Variants in MIDEAS observed in about 807,000 individuals in gnomAD.
MIDEAS encodes mitotic deacetylase associated SANT domain protein.
In MIDEAS, 26 loss-of-function variants were observed where a neutral mutation model predicts 102.7. That is an observed-to-expected ratio of 0.25 (90% CI 0.19 to 0.35). The LOEUF (loss-of-function observed/expected upper bound fraction) is 0.35, where lower values mean the gene tolerates loss of function less well. Ranked by LOEUF, MIDEAS falls within the 10% of genes least tolerant of loss-of-function variation. The pLI, the probability that MIDEAS is intolerant of heterozygous loss-of-function variation, is 1.00. For synonymous variants in MIDEAS, 585 were observed against 591.0 expected, an observed-to-expected ratio of 0.99 and a Z score of 0.15; for missense variants, 1,231 against 1,435.6, an observed-to-expected ratio of 0.86 and a Z score of 2.30.
rs2052920694 is a variant in MIDEAS at position 73,718,104 on chromosome 14, C to T, written c.*739G>A. On this transcript the variant is annotated 3_prime_UTR_variant, in exon 13 of 13. Coordinates refer to ENST00000423556, the MANE Select transcript of MIDEAS (RefSeq NM_001367710.1). ...GCAGCTTCCAGCCTCCGTACAGCTC[C>T]CTTCCCTGCAGCAGGATGAGTGCTT... 4 of 152,506 alleles carry T rather than the reference C, an allele frequency of 2.6e-5. No homozygotes were observed. Among genetic ancestry groups the T allele is most frequent in the Non-Finnish European group, 5.9e-5 (4 of 68,196 alleles). The allele number at this position is 152,506 out of a possible 1,614,324, so 9.4% of individuals were successfully genotyped here. A position where few individuals can be genotyped will look rare whatever the true frequency, so the allele number is the denominator to read the frequency against.
At chr14:73,769,695 G>C (rs1170044080) in intron 1 of MIDEAS, among the ~76,000 whole-genome samples, 3 of 151,966 alleles carry the variant, frequency 2.0e-5, no homozygotes, top group Non-Finnish European at 4.4e-5. Context: ...TCTGCCTCCC[G>C]GGTTCAAGCA....
chr14:73,778,102 C>A (rs990807144), intron 1 of MIDEAS, among the ~76,000 whole-genome samples: 3 of 151,956 alleles, frequency 2.0e-5, no homozygotes, highest in Admixed American at 1.3e-4. Context: ...CACCTGTAAT[C>A]CCAGCACTTT....
chr14:73,723,237 C>G (rs1239855678), intron 9 of MIDEAS: 1 of 157,774 alleles, frequency 6.3e-6, no homozygotes, highest in Admixed American at 6.2e-5. Flanking sequence ...CTCCGCCTCC[C>G]AGGTTCAAAT....
upstream of MIDEAS, among the ~76,000 whole-genome samples, chr14:73,760,890 C>T (rs1390672442): frequency 6.6e-6 from 1 of 152,222 alleles, no homozygotes; most frequent in Admixed American, 6.5e-5. The surrounding 1 kb of genome is among the most constrained non-coding windows in gnomAD (Gnocchi z 4.8). Flanking sequence ...CCCCTGTCTT[C>T]CCTAAATATC....
chr14:73,755,596 G>A (rs909683915), intron 1 of MIDEAS, among the ~76,000 whole-genome samples: 4 of 152,132 alleles, frequency 2.6e-5, no homozygotes, highest in Admixed American at 6.5e-5. Flanking sequence ...GGGCCTGGGC[G>A]GGTAGGTTCC....
chr14:73,728,980 T>A (rs1248724995), intron 4 of MIDEAS: 1 of 152,324 alleles, frequency 6.6e-6, no homozygotes, highest in Admixed American at 6.5e-5. Context: ...CAAAGGCATC[T>A]ATAAGCTAGC....
At chr14:73,771,963 G>A (rs543310290) in intron 1 of MIDEAS, among the ~76,000 whole-genome samples, 2 of 152,360 alleles carry the variant, frequency 1.3e-5, no homozygotes, top group South Asian at 4.1e-4. Context: ...GAAGTAAGAG[G>A]CAGCCCAGAG....
chr14:73,735,136 G>A lies in MIDEAS; in HGVS notation c.1749+1862C>T, dbSNP rs147511922. On this transcript the variant is annotated intron_variant, in intron 3 of 12. Coordinates refer to ENST00000423556, the MANE Select transcript of MIDEAS (RefSeq NM_001367710.1). ...GGGACTGGGGAGATGCTGGTCAAACGAAATATAATTTCAGTTAGGAAAAAA... is the reference window on the plus strand; with the variant it reads ...GGGACTGGGGAGATGCTGGTCAAACAAAATATAATTTCAGTTAGGAAAAAA... 7.6e-3 allele frequency among the ~76,000 whole-genome samples: 1,159 copies of A among 152,218 alleles called. 16 individuals are homozygous for A. The highest frequency in any genetic ancestry group is 0.026 in the African/African-American group (1,076 of 41,524).
rs755291393 is a variant in MIDEAS, at chr14:73,727,467, C to A, written c.2153G>T (p.Ser718Ile). The change falls in exon 5 of 13, where the codon AGC (serine) becomes ATC (isoleucine). Residue 718 changes from serine to isoleucine, a missense_variant. This residue lies in a region of MIDEAS where 391 missense variants were observed against 483.0 expected (regional missense o/e 0.81). Coordinates refer to ENST00000423556, the MANE Select transcript of MIDEAS (RefSeq NM_001367710.1). The stretch of plus-strand genomic sequence containing the variant: ...GCAGGGCTGCACTTACGGCTCGATG[C>A]TCACTGGGGTGGCCTCCCCCATCAC... ...LSVMGEATPV[S>I]IEPRINVGSR... The A allele has an allele frequency of 6.2e-7, 1 of 1,613,934 alleles. No homozygotes were observed. Among genetic ancestry groups the A allele is most frequent in the African/African-American group, 1.3e-5 (1 of 75,050 alleles).
chr14:73,717,398 A>C lies in MIDEAS; in HGVS notation c.*1445T>G, dbSNP rs1277259313. On this transcript the variant is annotated 3_prime_UTR_variant, in exon 13 of 13. Coordinates refer to ENST00000423556, the MANE Select transcript of MIDEAS (RefSeq NM_001367710.1). The stretch of plus-strand genomic sequence containing the variant: ...ATATGGCTTCTTCAAGCCAGAATCC[A>C]GGCCCCATAAACCAAACTAGAATTC... The C allele has an allele frequency of 6.6e-6, 1 of 152,200 alleles. No individual in the cohort carries two copies. Among genetic ancestry groups the C allele is most frequent in the African/African-American group, 2.4e-5 (1 of 41,448 alleles). The allele number at this position is 152,200 out of a possible 1,614,324, so 9.4% of individuals were successfully genotyped here.
chr14:73,722,832 C>T lies in MIDEAS; in HGVS notation c.2590G>A (p.Val864Met), dbSNP rs781204757. The change falls in exon 10 of 13, where the codon GTG (valine) becomes ATG (methionine). Residue 864 changes from valine (V) to methionine (M), a missense_variant. By Grantham distance (21) the Val-to-Met change is conservative. Transcript: ENST00000423556. ...LVQKLIQTKT[V>M]AQCVEFYYTY... ...TAGTAGAACTCCACGCACTGGGCCA[C>T]GGTCTTGGTCTGGATCTGGTTTGAA... 8 of 1,614,098 alleles carry T rather than the reference C, an allele frequency of 5.0e-6. No individual in the cohort carries two copies. The highest frequency in any genetic ancestry group is 1.7e-5 in the Admixed American group (1 of 60,014).
intron 1 of MIDEAS, among the ~76,000 whole-genome samples, chr14:73,747,615 T>C (rs2053368913): frequency 6.6e-6 from 1 of 151,098 alleles, no homozygotes; most frequent in Non-Finnish European, 1.5e-5. Context: ...TCTGTGTGGA[T>C]GTCAAGCAGT....
intron 1 of MIDEAS, among the ~76,000 whole-genome samples, chr14:73,780,354 A>G (rs1047983397): frequency 6.6e-6 from 1 of 152,164 alleles, no homozygotes; most frequent in African/African-American, 2.4e-5. Context: ...CCATCTCTCC[A>G]TGGAAGCTGT....
chr14:73,729,394 T>C (rs574144783), intron 4 of MIDEAS, among the ~76,000 whole-genome samples: 1 of 152,320 alleles, frequency 6.6e-6, no homozygotes, highest in African/African-American at 2.4e-5. Flanking sequence ...GGAGTTGAAG[T>C]GACTTGCAAA....
chr14:73,754,164 C>G (rs2053454197), intron 1 of MIDEAS, among the ~76,000 whole-genome samples: 1 of 152,218 alleles, frequency 6.6e-6, no homozygotes, highest in Non-Finnish European at 1.5e-5. Context: ...GGAAAGGCAG[C>G]TGCTAGCAAC....
At chr14:73,743,475 C>A (rs1226034380) in intron 1 of MIDEAS, among the ~76,000 whole-genome samples, 1 of 152,168 alleles carries the variant, frequency 6.6e-6, no homozygotes, top group Non-Finnish European at 1.5e-5. Context: ...GCTCCTGCAA[C>A]CCCACCCCGG....
At chr14:73,748,191 C>T (rs898362628) in intron 1 of MIDEAS, among the ~76,000 whole-genome samples, 3 of 152,068 alleles carry the variant, frequency 2.0e-5, no homozygotes, top group African/African-American at 7.2e-5. Context: ...AAAATGGCAG[C>T]ATAAATCCTA....
chr14:73,741,784 T>C (rs2053284265), intron 1 of MIDEAS, among the ~76,000 whole-genome samples: 1 of 152,126 alleles, frequency 6.6e-6, no homozygotes, highest in Non-Finnish European at 1.5e-5. Flanking sequence ...AATTTCCTCC[T>C]CCATTTCCTT....
intron 1 of MIDEAS, among the ~76,000 whole-genome samples, chr14:73,758,271 A>G (rs1480567350): frequency 6.6e-6 from 1 of 152,242 alleles, no homozygotes; most frequent in Non-Finnish European, 1.5e-5. Flanking sequence ...TGGGTTCTGA[A>G]GCCACTTAAC....
Sources: allele counts gnomAD v4.1 joint callset (sites outside exome capture counted in the v4.1 genomes callset), GRCh38; gene constraint gnomAD v4.1.1; regional missense constraint gnomAD v4.1.1; non-coding constraint Gnocchi (gnomAD v3.1); transcripts MANE v1.5; gene names NCBI Gene and HGNC (gene_info 2026-07-23, HGNC 2026-07-21).